TMEM123: variants seen among roughly 807,000 people sequenced by gnomAD.
TMEM123 encodes the protein transmembrane protein 123.
In TMEM123, 16 loss-of-function variants were observed where a neutral mutation model predicts 19.7. The ratio of observed to expected loss-of-function variants is 0.81; its 90% confidence interval spans 0.55 to 1.23. TMEM123 has a LOEUF of 1.23. Among genes scored for constraint, TMEM123 ranks in the 50% most tolerant of loss-of-function variants. The pLI, the probability that TMEM123 is intolerant of heterozygous loss-of-function variation, is 0.00. For missense variants in TMEM123, 313 were observed against 257.8 expected (o/e 1.21, Z -1.47); for synonymous variants, 118 against 99.4 (o/e 1.19, Z -1.12).
At chr11:102,400,841 A>G (rs1399915582) in intron 4 of TMEM123, among the ~76,000 whole-genome samples, 1 of 152,218 alleles carries the variant, frequency 6.6e-6, no homozygotes, top group East Asian at 1.9e-4. Flanking sequence ...TCTGCTGTTT[A>G]AGGCACCCAG....
chr11:102,427,373 G>A (rs1952137691), intron 2 of TMEM123, among the ~76,000 whole-genome samples: 2 of 151,718 alleles, frequency 1.3e-5, no homozygotes, highest in African/African-American at 4.8e-5. Context: ...CAAGGACTAT[G>A]AGGAACAAGG....
intron 4 of TMEM123, 27 bp from the exon 5 acceptor site, chr11:102,398,918 CTTTG>C: frequency 6.3e-7 from 1 of 1,597,116 alleles, no homozygotes; most frequent in Non-Finnish European, 8.5e-7. Flanking sequence ...GTTACAATTA[CTTTG>C]TTTTGTTTTT....
At chr11:102,411,378 T>G (rs1166352179) in intron 2 of TMEM123, among the ~76,000 whole-genome samples, 1 of 152,148 alleles carries the variant, frequency 6.6e-6, no homozygotes, top group Non-Finnish European at 1.5e-5. Flanking sequence ...TCTCTTCCAT[T>G]TGGCTGCTCC....
At chr11:102,434,170 T>A (rs890830165) in intron 2 of TMEM123, among the ~76,000 whole-genome samples, 33 of 152,028 alleles carry the variant, frequency 2.2e-4, no homozygotes, top group African/African-American at 7.9e-4. Context: ...ACTTCCATAT[T>A]GTTTTCCATA....
intron 2 of TMEM123, among the ~76,000 whole-genome samples, chr11:102,426,440 ATATT>A (rs1240271082): frequency 2.0e-5 from 3 of 150,672 alleles, no homozygotes; most frequent in Non-Finnish European, 3.0e-5. Flanking sequence ...ATTTCCCTCT[ATATT>A]TATTATCTTT....
chr11:102,429,944 C>T (rs1483788198), intron 2 of TMEM123, among the ~76,000 whole-genome samples: 6 of 152,208 alleles, frequency 3.9e-5, no homozygotes, highest in South Asian at 2.1e-4. Context: ...GCAGCCTGTG[C>T]GATGGGAGCA....
chr11:102,401,405 A>T, intron 4 of TMEM123, 134 bp downstream of exon 4: 1 of 764,722 alleles, frequency 1.3e-6, no homozygotes, highest in Non-Finnish European at 1.9e-6. Context: ...TTGGGCCAAA[A>T]GGGTTAATGG....
intron 2 of TMEM123, among the ~76,000 whole-genome samples, chr11:102,447,867 G>A (rs1247739417): frequency 1.3e-5 from 2 of 152,174 alleles, no homozygotes; most frequent in Non-Finnish European, 2.9e-5. Context: ...CATAAACTAA[G>A]TGAAACACTG....
intron 2 of TMEM123, among the ~76,000 whole-genome samples, chr11:102,426,287 T>TTAACA (rs1952125580): frequency 6.6e-6 from 1 of 152,206 alleles, no homozygotes; most frequent in Non-Finnish European, 1.5e-5. Context: ...ATAATAACAG[T>TTAACA]TAACACATCC....
intron 2 of TMEM123, among the ~76,000 whole-genome samples, chr11:102,436,980 T>C (rs184610102): frequency 2.6e-5 from 4 of 152,314 alleles, no homozygotes; most frequent in African/African-American, 9.6e-5. Context: ...AGGTCTACTT[T>C]TTTTGGCCTA....
chr11:102,424,425 C>A (rs536795009), intron 2 of TMEM123, among the ~76,000 whole-genome samples: 1 of 152,296 alleles, frequency 6.6e-6, no homozygotes, highest in East Asian at 1.9e-4. Context: ...GTGGCTCACG[C>A]CTATAATCCC....
chr11:102,443,045 G>T (rs568255494), intron 2 of TMEM123, among the ~76,000 whole-genome samples: 2 of 152,202 alleles, frequency 1.3e-5, no homozygotes, highest in African/African-American at 4.8e-5. Context: ...CGAAATAAAA[G>T]AGGACACAAA....
intron 2 of TMEM123, among the ~76,000 whole-genome samples, chr11:102,413,371 T>C (rs149787072): frequency 1.3e-5 from 2 of 152,208 alleles, no homozygotes; most frequent in Admixed American, 6.5e-5. Context: ...TAAAAGTGCA[T>C]GCACCACTGG....
In TMEM123 at chr11:102,435,938, G is replaced by A. The variant is rs190388036; in HGVS notation, c.157+12874C>T. Among the ~76,000 whole-genome samples, 522 of 151,890 alleles carry A rather than the reference G, an allele frequency of 3.4e-3. 5 individuals are homozygous for A. Among genetic ancestry groups the A allele is most frequent in the African/African-American group, 0.011 (464 of 41,492 alleles). On this transcript the variant is annotated intron_variant, in intron 2 of 4. Coordinates refer to ENST00000398136, the MANE Select transcript of TMEM123 (RefSeq NM_052932.3). ...TCTTTTTGAGGTGATGAAACTGTTCGAAACTTGACTGTGGTGATGGTTAAA... is the reference window on the plus strand; with the variant it reads ...TCTTTTTGAGGTGATGAAACTGTTCAAAACTTGACTGTGGTGATGGTTAAA...
In TMEM123 at chr11:102,398,113, C is replaced by T. The variant is rs916087134; in HGVS notation, c.*754G>A. 1 of 152,602 alleles carries T rather than the reference C, an allele frequency of 6.6e-6. No individual in the cohort carries two copies. The highest frequency in any genetic ancestry group is 2.4e-5 in the African/African-American group (1 of 41,436). The allele number at this position is 152,602 out of a possible 1,614,324, so 9.5% of individuals were successfully genotyped here. ...TGCCAGGATTATTTAATACTGACAA[C>T]TAAGTCTTTAAAACATTATTATGTT... On this transcript the variant is annotated 3_prime_UTR_variant, in exon 5 of 5. Transcript: ENST00000398136.
intron 2 of TMEM123, among the ~76,000 whole-genome samples, chr11:102,414,544 C>T (rs1250739389): frequency 1.3e-5 from 2 of 152,286 alleles, no homozygotes; most frequent in Admixed American, 6.5e-5. Context: ...GGCCTATATT[C>T]GGCACCCTTA....
intron 2 of TMEM123, among the ~76,000 whole-genome samples, chr11:102,445,610 C>T (rs1304524724): frequency 6.6e-6 from 1 of 152,178 alleles, no homozygotes; most frequent in Non-Finnish European, 1.5e-5. Flanking sequence ...TTCAGTAAGA[C>T]TTTCATTGTT....
rs1951918889 is a variant in TMEM123, at chr11:102,402,102, T to G, written c.262A>C (p.Thr88Pro). 1 of 1,614,080 alleles carries G rather than the reference T, an allele frequency of 6.2e-7. No individual in the cohort carries two copies. Among genetic ancestry groups the G allele is most frequent in the African/African-American group, 1.3e-5 (1 of 74,928 alleles). Reference sequence around the variant, plus strand: ...TTAGATGCCGCTGTAGGTTTCATGGTGGTGACCGTTGTATTACTGGAGTCT... The same window carrying G: ...TTAGATGCCGCTGTAGGTTTCATGGGGGTGACCGTTGTATTACTGGAGTCT... ...ASDSSNTTVT[T>P]MKPTAASNTT... The change falls in exon 3 of 5, where the codon ACC (threonine) becomes CCC (proline). Residue 88 changes from threonine to proline, a missense_variant. Thr to Pro is a conservative substitution (Grantham distance 38). Transcript: ENST00000398136.
intron 2 of TMEM123, among the ~76,000 whole-genome samples, chr11:102,410,828 C>G (rs538058317): frequency 6.6e-6 from 1 of 152,142 alleles, no homozygotes; most frequent in Non-Finnish European, 1.5e-5. Flanking sequence ...GGAAACAACA[C>G]AGTTACAATA....
Sources: allele counts gnomAD v4.1 joint callset (sites outside exome capture counted in the v4.1 genomes callset), GRCh38; gene constraint gnomAD v4.1.1; transcripts MANE v1.5; gene names NCBI Gene and HGNC (gene_info 2026-07-23, HGNC 2026-07-21).